Variants in CWC27 observed in about 807,000 individuals in gnomAD.
CWC27 encodes CWC27 spliceosome associated cyclophilin.
CWC27 carries 47 observed loss-of-function variants against 63.6 expected under a neutral mutation model. That is an observed-to-expected ratio of 0.74 (90% CI 0.58 to 0.94). CWC27 has a LOEUF of 0.94. CWC27 is among the 40% of genes least tolerant of loss of function. CWC27 has a pLI of 0.00. For missense variants in CWC27, 495 were observed against 554.3 expected (o/e 0.89, Z 1.07); for synonymous variants, 175 against 179.8 (o/e 0.97, Z 0.22).
intron 10 of CWC27, among the ~76,000 whole-genome samples, chr5:64,818,562 T>C (rs759699164): frequency 2.0e-5 from 3 of 152,186 alleles, no homozygotes; most frequent in Non-Finnish European, 4.4e-5. Flanking sequence ...AAATATTACA[T>C]AGGCCTGGGA....
intron 10 of CWC27, among the ~76,000 whole-genome samples, chr5:64,812,042 A>G (rs1744892172): frequency 6.6e-6 from 1 of 152,052 alleles, no homozygotes; most frequent in Admixed American, 6.5e-5. Context: ...TCGTACTTAG[A>G]TAATTTTTGA....
chr5:65,002,128 CCTTT>C (rs1439226934), intron 13 of CWC27, among the ~76,000 whole-genome samples: 2 of 151,948 alleles, frequency 1.3e-5, no homozygotes, highest in South Asian at 2.1e-4. Context: ...CTCTAAAGAT[CCTTT>C]CTATTTCTGC....
chr5:65,009,733 G>T (rs1467262041), intron 13 of CWC27, among the ~76,000 whole-genome samples: 1 of 152,184 alleles, frequency 6.6e-6, no homozygotes, highest in Non-Finnish European at 1.5e-5. Flanking sequence ...CAAGGAGAGA[G>T]CCCTCACCAG....
chr5:64,957,723 T>G (rs1748829947), intron 11 of CWC27, among the ~76,000 whole-genome samples: 1 of 152,186 alleles, frequency 6.6e-6, no homozygotes, highest in Non-Finnish European at 1.5e-5. Flanking sequence ...ACCCACTGTT[T>G]AATAAAAAAC....
At chr5:64,918,191 G>A (rs1001679068) in intron 11 of CWC27, among the ~76,000 whole-genome samples, 1 of 152,094 alleles carries the variant, frequency 6.6e-6, no homozygotes, top group Admixed American at 6.6e-5. Flanking sequence ...TTGATGGTTG[G>A]AGTATAGACC....
intron 11 of CWC27, among the ~76,000 whole-genome samples, chr5:64,940,403 G>A (rs990068375): frequency 1.3e-5 from 2 of 152,178 alleles, no homozygotes; most frequent in African/African-American, 2.4e-5. Flanking sequence ...CGGTGAGGCA[G>A]CGCCCCACCC....
chr5:64,873,335 TTAAG>T (rs1276773877), intron 10 of CWC27, among the ~76,000 whole-genome samples: 7 of 152,020 alleles, frequency 4.6e-5, no homozygotes, highest in Non-Finnish European at 7.4e-5. Context: ...AATACATCAA[TTAAG>T]TAACAAAACA....
At chr5:64,947,889 C>T (rs1748620357) in intron 11 of CWC27, among the ~76,000 whole-genome samples, 2 of 152,000 alleles carry the variant, frequency 1.3e-5, no homozygotes, top group South Asian at 2.1e-4. Context: ...ACTGAATCAC[C>T]TTCTGTGTTA....
chr5:64,963,200 A>G (rs2112435399), intron 11 of CWC27, among the ~76,000 whole-genome samples: 1 of 152,156 alleles, frequency 6.6e-6, no homozygotes, highest in African/African-American at 2.4e-5. Flanking sequence ...GAGCTCAGAC[A>G]ATCAGCCCGC....
In CWC27 at chr5:65,004,861, CATATATAT is replaced by C. The variant is rs1170127729; in HGVS notation, c.1257-13260_1257-13253del. Among the ~76,000 whole-genome samples, 417 of 45,430 alleles carry C rather than the reference CATATATAT, an allele frequency of 9.2e-3. 6 individuals are homozygous for C. Among genetic ancestry groups the C allele is most frequent in the East Asian group, 0.062 (51 of 818 alleles). The allele number at this position is 45,430 out of a possible 152,430, so 29.8% of individuals were successfully genotyped here. A position where few individuals can be genotyped will look rare whatever the true frequency, so the allele number is the denominator to read the frequency against. ...TGGCCTTCAGAGGGAAAGACTTTTTCATATATATATATATATATATATATATATATATA... is the reference window on the plus strand; with the variant it reads ...TGGCCTTCAGAGGGAAAGACTTTTTCATATATATATATATATATATATATA... On this transcript the variant is annotated intron_variant, in intron 13 of 13. Transcript: ENST00000381070.
chr5:64,948,033 A>G (rs1007975502), intron 11 of CWC27, among the ~76,000 whole-genome samples: 1 of 152,058 alleles, frequency 6.6e-6, no homozygotes, highest in Non-Finnish European at 1.5e-5. Context: ...CCAGACACTT[A>G]TATCATCTTG....
At position 64,775,562 on chromosome 5, in the gene CWC27, C is replaced by T. The variant is rs1743412656; in HGVS notation, c.139+775C>T. Reference sequence around the variant, plus strand: ...GTATGCTTTTTCTTCCCTTTTTTTACTGTTTAAGTCTACCCATTTTTAAAT... The same window carrying T: ...GTATGCTTTTTCTTCCCTTTTTTTATTGTTTAAGTCTACCCATTTTTAAAT... On this transcript the variant is annotated intron_variant, in intron 2 of 13. Transcript: ENST00000381070. 2.0e-5 allele frequency among the ~76,000 whole-genome samples: 3 copies of T among 151,990 alleles called. No homozygotes were observed. In the South Asian group the frequency reaches 6.2e-4, roughly 31 times the overall value.
intron 11 of CWC27, among the ~76,000 whole-genome samples, chr5:64,890,310 G>C (rs994771547): frequency 2.0e-5 from 3 of 152,212 alleles, no homozygotes; most frequent in African/African-American, 7.2e-5. Context: ...TTTTAATACT[G>C]GATCAAATCA....
At chr5:64,907,416 T>A (rs1051853259) in intron 11 of CWC27, among the ~76,000 whole-genome samples, 2 of 152,188 alleles carry the variant, frequency 1.3e-5, no homozygotes, top group Non-Finnish European at 2.9e-5. Context: ...TGTATTTTAT[T>A]CTCTTTGTAA....
At chr5:64,854,206 C>T (rs78210057) in intron 10 of CWC27, among the ~76,000 whole-genome samples, 289 of 152,308 alleles carry the variant, frequency 1.9e-3, no homozygotes, top group African/African-American at 6.5e-3. Context: ...CCTTCATCCG[C>T]TGATGGACAT....
At chr5:64,922,646 A>G (rs1249443386) in intron 11 of CWC27, among the ~76,000 whole-genome samples, 1 of 152,164 alleles carries the variant, frequency 6.6e-6, no homozygotes, top group African/African-American at 2.4e-5. Flanking sequence ...CTGGTTCAAA[A>G]CCATTGCTGG....
intron 10 of CWC27, among the ~76,000 whole-genome samples, chr5:64,850,791 C>T (rs543742445): frequency 6.6e-6 from 1 of 152,044 alleles, no homozygotes; most frequent in African/African-American, 2.4e-5. Flanking sequence ...ACACAAATGG[C>T]CAACAGATAC....
At chr5:65,014,001 G>A (rs922377155) in intron 13 of CWC27, among the ~76,000 whole-genome samples, 7 of 151,684 alleles carry the variant, frequency 4.6e-5, no homozygotes, top group African/African-American at 1.7e-4. Flanking sequence ...CACAATTGTG[G>A]GAGAACTTTA....
chr5:64,784,095 A>G, intron 4 of CWC27, 116 bp downstream of exon 4: 1 of 889,316 alleles, frequency 1.1e-6, no homozygotes, highest in Non-Finnish European at 1.6e-6. Context: ...AAAACATTCC[A>G]TAGGATATGT....
Sources: gnomAD v4.1 joint callset for allele counts (sites outside exome capture counted in the v4.1 genomes callset) on GRCh38, gnomAD v4.1.1 for gene constraint, MANE v1.5 for transcripts, NCBI Gene and HGNC (gene_info 2026-07-23, HGNC 2026-07-21) for gene names.